ZBTB1: variants seen among roughly 807,000 people sequenced by gnomAD.
ZBTB1 encodes the protein zinc finger and BTB domain-containing protein 1.
In ZBTB1, 13 loss-of-function variants were observed where a neutral mutation model predicts 51.6. The ratio of observed to expected loss-of-function variants is 0.25; its 90% CI spans 0.16 to 0.40. The LOEUF (loss-of-function observed/expected upper bound fraction) is 0.40, where lower values mean the gene tolerates loss of function less well. Ranked by LOEUF, ZBTB1 falls within the 10% of genes least tolerant of loss-of-function variation. The probability of loss-of-function intolerance (pLI) is 1.00; values close to 1 mark genes in which losing one functional copy is unlikely to be tolerated. For synonymous variants in ZBTB1, 240 were observed against 282.2 expected (o/e 0.85, Z 1.50); for missense variants, 567 against 856.5 (o/e 0.66, Z 4.22).
chr14:64,529,095 CTT>C (rs1225609260), downstream of ZBTB1, among the ~76,000 whole-genome samples: 1 of 152,234 alleles, frequency 6.6e-6, no homozygotes, highest in South Asian at 2.1e-4. Flanking sequence ...GAAAACAAAA[CTT>C]TATTTAAATG....
At chr14:64,508,996 TA>T (rs1332770464) in intron 1 of ZBTB1, among the ~76,000 whole-genome samples, 1 of 152,158 alleles carries the variant, frequency 6.6e-6, no homozygotes, top group African/African-American at 2.4e-5. Flanking sequence ...GATGATGCAT[TA>T]TTGGTACCAT....
chr14:64,530,897 GAACAT>G (rs1427497058), intron 2 of ZBTB1, among the ~76,000 whole-genome samples: 1 of 152,100 alleles, frequency 6.6e-6, no homozygotes, highest in Non-Finnish European at 1.5e-5. Flanking sequence ...GCTCTGAACT[GAACAT>G]ATCAATGTAC....
intron 1 of ZBTB1, 33 bp downstream of exon 1, chr14:64,504,979 C>T (rs1311663371): frequency 7.6e-6 from 3 of 393,528 alleles, no homozygotes; most frequent in African/African-American, 2.1e-5. Flanking sequence ...GCTATTTGCG[C>T]AACTTTGGCC....
chr14:64,524,422 T>G lies in ZBTB1; in HGVS notation c.*776T>G, dbSNP rs933268320. 4.1e-5 allele frequency: 32 copies of G among 773,924 alleles called. No individual in the cohort carries two copies. The highest frequency in any genetic ancestry group is 1.6e-6 in the Non-Finnish European group (1 of 637,446). 47.9% of individuals were successfully genotyped at this position (773,924 alleles called of 1,614,324 possible). On this transcript the variant is annotated 3_prime_UTR_variant, in exon 2 of 2. Transcript: ENST00000683701. ...ACTATGATAGTTAATTAAAAAGACA[T>G]ATCTTGTATTCATTAAAAATATTTT... is the stretch of plus-strand genomic sequence containing the variant.
chr14:64,519,939 A>C (rs1339516193), intron 1 of ZBTB1, among the ~76,000 whole-genome samples: 3 of 152,202 alleles, frequency 2.0e-5, no homozygotes. Flanking sequence ...AGAAAAGACA[A>C]AGGCACTGAT....
downstream of ZBTB1, among the ~76,000 whole-genome samples, chr14:64,529,496 G>T (rs879739640): frequency 6.6e-6 from 1 of 152,174 alleles, no homozygotes; most frequent in Non-Finnish European, 1.5e-5. Flanking sequence ...TCTTAGCCAG[G>T]CACAGTAGCT....
Position 64,522,257 on chromosome 14 carries a change from T to C in ZBTB1, c.753T>C (p.His251=), listed in dbSNP as rs766680526. The C allele has an allele frequency of 1.2e-6, 2 of 1,614,180 alleles. No homozygotes were observed. Among genetic ancestry groups the C allele is most frequent in the South Asian group, 2.2e-5 (2 of 91,076 alleles). ...RHLYQNTRSY[H]RIVDIRDGKD... ...TATACCAAAACACAAGATCTTACCA[T>C]AGAATAGTAGATATTAGAGATGGAA... The change falls in exon 2 of 2, where the codon CAT becomes CAC. Residue 251 remains histidine, a synonymous_variant. Transcript: ENST00000683701.
intron 1 of ZBTB1, among the ~76,000 whole-genome samples, chr14:64,515,964 G>A (rs1255427215): frequency 6.6e-6 from 1 of 152,176 alleles, no homozygotes; most frequent in Non-Finnish European, 1.5e-5. Context: ...TAGGCACAGT[G>A]GTTTATACCT....
Position 64,523,711 on chromosome 14 carries a change from C to CCTG in ZBTB1, c.*65_*66insCTG. Reference sequence around the variant, plus strand: ...AAAACACCAAAGCAAAGGATATGAGCTATTTAGGAATTGATTATATAAGAT... The same window carrying CCTG: ...AAAACACCAAAGCAAAGGATATGAGCCTGTATTTAGGAATTGATTATATAAGAT... On this transcript the variant is annotated 3_prime_UTR_variant, in exon 2 of 2. Transcript: ENST00000683701. This position sits in a 1 kb window ranked among gnomAD's most constrained non-coding sequence, Gnocchi z 4.5. The CCTG allele has an allele frequency of 6.9e-7, 1 of 1,454,740 alleles. No homozygotes were observed. The highest frequency in any genetic ancestry group is 1.5e-5 in the South Asian group (1 of 66,200). The allele number at this position is 1,454,740 out of a possible 1,614,324, so 90.1% of individuals were successfully genotyped here.
intron 1 of ZBTB1, 43 bp downstream of exon 1, chr14:64,504,989 C>T: frequency 2.5e-6 from 1 of 392,468 alleles, no homozygotes; most frequent in Non-Finnish European, 4.5e-6. Context: ...CAACTTTGGC[C>T]CAGGCCGGAG....
In ZBTB1 at chr14:64,522,754, A is replaced by G. The variant is rs375985563; in HGVS notation, c.1250A>G (p.Asp417Gly). The change falls in exon 2 of 2, where the codon GAT becomes GGT. Residue 417 changes from aspartate to glycine, a missense_variant. Asp to Gly is a moderately conservative substitution (Grantham distance 94, BLOSUM62 -1). Around this residue, in one of 5 missense-constraint regions of ZBTB1, gnomAD observed 329 missense variants for 406.3 expected, o/e 0.81. Coordinates refer to ENST00000683701, the MANE Select transcript of ZBTB1 (RefSeq NM_001123329.2). ...AACAACAGCAGTCCAGTACAAGAGG[A>G]TGCTGAAAATGCATCTTGTGAGCTG... ...PPNNSSPVQE[D>G]AENASCELCG... 55 of 1,614,096 alleles carry G rather than the reference A, an allele frequency of 3.4e-5. No homozygotes were observed. The highest frequency in any genetic ancestry group is 1.3e-5 in the African/African-American group (1 of 74,936).
intron 1 of ZBTB1, among the ~76,000 whole-genome samples, chr14:64,509,155 A>G (rs1369807980): frequency 1.3e-5 from 2 of 152,132 alleles, no homozygotes; most frequent in Non-Finnish European, 1.5e-5. Context: ...GGATTGTTTG[A>G]TCTCAGGAGT....
At chr14:64,505,483 G>A (rs1378440439) in intron 1 of ZBTB1, among the ~76,000 whole-genome samples, 2 of 152,222 alleles carry the variant, frequency 1.3e-5, no homozygotes, top group Non-Finnish European at 2.9e-5. Flanking sequence ...AGTAAAAAGT[G>A]GAAGGTCTGA....
chr14:64,517,855 C>G (rs2140141908), intron 1 of ZBTB1, among the ~76,000 whole-genome samples: 1 of 139,826 alleles, frequency 7.2e-6, no homozygotes, highest in African/African-American at 2.7e-5. Flanking sequence ...ATGATCTCGA[C>G]TCACTGCAAC....
intron 1 of ZBTB1, among the ~76,000 whole-genome samples, chr14:64,517,722 A>G (rs1417050883): frequency 2.8e-5 from 4 of 144,420 alleles, no homozygotes; most frequent in Non-Finnish European, 6.0e-5. Flanking sequence ...CTCCATCTTG[A>G]ACATTTTTCC....
chr14:64,508,902 G>C (rs2079693898), intron 1 of ZBTB1, among the ~76,000 whole-genome samples: 1 of 152,180 alleles, frequency 6.6e-6, no homozygotes, highest in Non-Finnish European at 1.5e-5. Flanking sequence ...ATACTGCCCT[G>C]ATGTCAAGGA....
chr14:64,505,233 A>G (rs1281520908), intron 1 of ZBTB1: 1 of 243,000 alleles, frequency 4.1e-6, no homozygotes, highest in East Asian at 7.7e-5. Context: ...CTCTGCCTTT[A>G]TTTTTTTCGA....
chr14:64,522,688 G>T lies in ZBTB1; in HGVS notation c.1184G>T (p.Ser395Ile). 6.2e-7 allele frequency: 1 copy of T among 1,614,170 alleles called. No homozygotes were observed. The highest frequency in any genetic ancestry group is 1.6e-4 in the Middle Eastern group (1 of 6,062). The change falls in exon 2 of 2, where the codon AGT becomes ATT. Residue 395 changes from serine to isoleucine, a missense_variant. Around this residue, in one of 5 missense-constraint regions of ZBTB1, gnomAD observed 329 missense variants for 406.3 expected, o/e 0.81. Coordinates refer to ENST00000683701, the MANE Select transcript of ZBTB1 (RefSeq NM_001123329.2). ...ACTCTAAAACCTCGAATGTCAGTAAGTGCTGATGAAAGAGGTGGTTTAGAG... is the reference window on the plus strand; with the variant it reads ...ACTCTAAAACCTCGAATGTCAGTAATTGCTGATGAAAGAGGTGGTTTAGAG... ...RKTLKPRMSVSADERGGLENM... is the reference protein window; with the variant it reads ...RKTLKPRMSVIADERGGLENM...
At chr14:64,530,667 T>C (rs757952765) in intron 2 of ZBTB1, among the ~76,000 whole-genome samples, 7 of 152,144 alleles carry the variant, frequency 4.6e-5, no homozygotes, top group Non-Finnish European at 8.8e-5. Context: ...ATGCACACAA[T>C]TGGTTGAATT....
Sources: gnomAD v4.1 joint callset for allele counts (sites outside exome capture counted in the v4.1 genomes callset) on GRCh38, gnomAD v4.1.1 for gene constraint, gnomAD v4.1.1 regional missense constraint, Gnocchi (gnomAD v3.1) non-coding constraint, MANE v1.5 for transcripts, NCBI Gene and HGNC (gene_info 2026-07-23, HGNC 2026-07-21) for gene names.